KAT6B: variants seen among roughly 807,000 people sequenced by gnomAD.
The protein encoded by KAT6B is histone acetyltransferase KAT6B.
A neutral mutation model predicts 187.5 loss-of-function variants in KAT6B; 10 were observed. The observed-to-expected ratio is 0.05, with a 90% CI of 0.03 to 0.09. The LOEUF is 0.09. KAT6B is among the 10% of genes least tolerant of loss of function. KAT6B has a pLI of 1.00. For missense variants in KAT6B, 1,952 were observed against 2,558.9 expected, an observed-to-expected ratio of 0.76 and a Z score of 5.12; for synonymous variants, 861 against 926.8, an observed-to-expected ratio of 0.93 and a Z score of 1.29.
chr10:74,961,997 G>C (rs1351457112), intron 4 of KAT6B, among the ~76,000 whole-genome samples: 2 of 152,110 alleles, frequency 1.3e-5, no homozygotes, highest in African/African-American at 4.8e-5. Context: ...TCAAGCCCTG[G>C]GGTCACCATG....
chr10:74,920,598 C>T (rs112920826), intron 3 of KAT6B, among the ~76,000 whole-genome samples: 1 of 151,950 alleles, frequency 6.6e-6, no homozygotes, highest in African/African-American at 2.4e-5. Flanking sequence ...GCTAATAATA[C>T]GTTTTCAACC....
At chr10:74,989,810 T>C (rs1843016224) in intron 13 of KAT6B, among the ~76,000 whole-genome samples, 1 of 152,106 alleles carries the variant, frequency 6.6e-6, no homozygotes. Flanking sequence ...GTGTAAATGT[T>C]GTGTTAGGGG....
At chr10:74,948,279 C>T (rs1840081690) in intron 3 of KAT6B, among the ~76,000 whole-genome samples, 1 of 152,192 alleles carries the variant, frequency 6.6e-6, no homozygotes, top group African/African-American at 2.4e-5. Flanking sequence ...ACTTGGAGTA[C>T]CAATTATATT....
Position 75,020,710 on chromosome 10 carries a change from AG to A in KAT6B, c.2760del (p.Arg920SerfsTer28). On this transcript the variant is annotated frameshift_variant, in exon 14 of 18. Coordinates refer to ENST00000287239, the MANE Select transcript of KAT6B (RefSeq NM_012330.4). LOFTEE classifies it high-confidence loss of function. ...ILEYLYHHHE[R>X]HISIKAISRA... ...GGAGTATCTCTACCACCACCATGAG[AG>A]GCACATCAGCATCAAGGCAATTAGC... is the stretch of plus-strand genomic sequence containing the variant. 1 of 1,613,308 alleles carries A rather than the reference AG, an allele frequency of 6.2e-7. No individual in the cohort carries two copies. The highest frequency in any genetic ancestry group is 1.1e-5 in the South Asian group (1 of 91,034).
intron 3 of KAT6B, among the ~76,000 whole-genome samples, chr10:74,916,669 A>G (rs777178268): frequency 6.6e-6 from 1 of 152,220 alleles, no homozygotes; most frequent in Non-Finnish European, 1.5e-5. Flanking sequence ...TTTGGTGGGC[A>G]TTCTTCTTAA....
Position 74,975,803 on chromosome 10 carries a change from C to T in KAT6B, c.1466C>T (p.Pro489Leu). 1 of 1,614,182 alleles carries T rather than the reference C, an allele frequency of 6.2e-7. No homozygotes were observed. The highest frequency in any genetic ancestry group is 8.5e-7 in the Non-Finnish European group (1 of 1,180,036). ...LATGTTQKLK[P>L]PPSSLPPPTP... Reference sequence around the variant, plus strand: ...ACAGGTACCACACAAAAGCTAAAACCTCCACCTTCTTCACTTCCACCCCCA... The same window carrying T: ...ACAGGTACCACACAAAAGCTAAAACTTCCACCTTCTTCACTTCCACCCCCA... The change falls in exon 8 of 18, where the codon CCT becomes CTT. Residue 489 changes from proline to leucine, a missense_variant. Coordinates refer to ENST00000287239, the MANE Select transcript of KAT6B (RefSeq NM_012330.4).
rs575604079 is a variant in KAT6B at position 74,982,373 on chromosome 10, A to T, written c.2373+445A>T. On this transcript the variant is annotated intron_variant, in intron 11 of 17. Transcript: ENST00000287239. ...TTCCATCCACTTCTTGGCAGTGTGG[A>T]TAATCCTTTTGGTGAGACCCTAGCA... 68 of 189,632 alleles carry T rather than the reference A, an allele frequency of 3.6e-4. 1 individual carries two copies. In the South Asian group the frequency reaches 6.8e-3, roughly 19 times the overall value. 11.7% of individuals were successfully genotyped at this position (189,632 alleles called of 1,614,324 possible).
chr10:74,995,323 A>C (rs1361436328), intron 13 of KAT6B, among the ~76,000 whole-genome samples: 1 of 152,216 alleles, frequency 6.6e-6, no homozygotes, highest in Non-Finnish European at 1.5e-5. Context: ...ATTGGAATAC[A>C]ATTAGGCTTA....
intron 3 of KAT6B, among the ~76,000 whole-genome samples, chr10:74,941,828 A>G (rs1849685005): frequency 6.6e-6 from 1 of 152,196 alleles, no homozygotes; most frequent in South Asian, 2.1e-4. Flanking sequence ...TCACTTTATG[A>G]GATTGGCTTT....
Position 75,025,267 on chromosome 10 carries a change from A to T in KAT6B, c.3664+18A>T. 6.2e-7 allele frequency: 1 copy of T among 1,613,074 alleles called. No homozygotes were observed. The highest frequency in any genetic ancestry group is 8.5e-7 in the Non-Finnish European group (1 of 1,179,488). ...TTGTAGAAGTAAGTAGAGGAATGAT[A>T]AAAACCTTACCCTTGAGAATGTCTG... On this transcript the variant is annotated intron_variant, in intron 17 of 17. Transcript: ENST00000287239.
chr10:74,924,339 C>T (rs1044701661), intron 3 of KAT6B, among the ~76,000 whole-genome samples: 4 of 152,082 alleles, frequency 2.6e-5, no homozygotes, highest in African/African-American at 7.2e-5. Flanking sequence ...TCATTTTGTT[C>T]AGATTCTAAA....
At chr10:74,865,134 AT>A (rs1164590644) in intron 3 of KAT6B, among the ~76,000 whole-genome samples, 1 of 148,410 alleles carries the variant, frequency 6.7e-6, no homozygotes, top group Non-Finnish European at 1.5e-5. Context: ...ATTTAATGAA[AT>A]TATGCATTTA....
intron 3 of KAT6B, among the ~76,000 whole-genome samples, chr10:74,913,589 C>T (rs1180449818): frequency 6.6e-6 from 1 of 152,186 alleles, no homozygotes; most frequent in East Asian, 1.9e-4. Context: ...TTCTAGAATT[C>T]ACAAGGATTG....
chr10:74,928,709 T>C (rs142507206), intron 3 of KAT6B, among the ~76,000 whole-genome samples: 10 of 152,346 alleles, frequency 6.6e-5, no homozygotes, highest in Non-Finnish European at 1.3e-4. Context: ...TTTAAGACTT[T>C]AAAGGTTTTA....
chr10:74,943,672 A>G (rs552026467), intron 3 of KAT6B, among the ~76,000 whole-genome samples: 13 of 152,246 alleles, frequency 8.5e-5, no homozygotes, highest in African/African-American at 3.1e-4. Context: ...TAGACATATA[A>G]AAAACTAAAA....
chr10:74,992,366 A>C lies in KAT6B; in HGVS notation c.2629+3254A>C, dbSNP rs139498255. ...AAACCCATCATAAAGTGAAAATATC[A>C]TAAATTAAAAATACATTTAATACAC... is the stretch of plus-strand genomic sequence containing the variant. On this transcript the variant is annotated intron_variant, in intron 13 of 17. Coordinates refer to ENST00000287239, the MANE Select transcript of KAT6B (RefSeq NM_012330.4). Among the ~76,000 whole-genome samples, 8 of 152,358 alleles carry C rather than the reference A, an allele frequency of 5.3e-5. No homozygotes were observed. The East Asian group carries it at 1.5e-3, about 29-fold the overall frequency.
At chr10:74,919,889 T>C (rs953209857) in intron 3 of KAT6B, among the ~76,000 whole-genome samples, 1 of 152,250 alleles carries the variant, frequency 6.6e-6, no homozygotes, top group African/African-American at 2.4e-5. Context: ...TATTTAGTTA[T>C]CAAATTTGTC....
intron 3 of KAT6B, among the ~76,000 whole-genome samples, chr10:74,877,459 G>A (rs1844505553): frequency 6.6e-6 from 1 of 152,184 alleles, no homozygotes; most frequent in African/African-American, 2.4e-5. Context: ...CTGAACCAGA[G>A]TAGGCTCAGA....
chr10:74,975,213 C>T (rs1842075227), intron 7 of KAT6B, among the ~76,000 whole-genome samples, 186 bp from the exon 8 acceptor site: 1 of 152,120 alleles, frequency 6.6e-6, no homozygotes, highest in South Asian at 2.1e-4. Flanking sequence ...CTGGAAGAAC[C>T]ATGACATGTA....
Sources: gnomAD v4.1 joint callset for allele counts (sites outside exome capture counted in the v4.1 genomes callset) on GRCh38, gnomAD v4.1.1 for gene constraint, MANE v1.5 for transcripts, NCBI Gene and HGNC (gene_info 2026-07-23, HGNC 2026-07-21) for gene names.